The following SP7 variants were observed in gnomAD, a reference collection of about 807,000 sequenced individuals.
SP7 encodes Sp7 transcription factor.
A neutral mutation model predicts 27.9 loss-of-function variants in SP7; 13 were observed. The observed-to-expected ratio is 0.47, with a 90% CI of 0.30 to 0.74. The LOEUF is 0.74. Among genes scored for constraint, SP7 ranks in the 30% least tolerant of loss-of-function variants. SP7 has a pLI of 0.06. For synonymous variants in SP7, 219 were observed against 226.7 expected (o/e 0.97, Z 0.31); for missense variants, 525 against 558.0 (o/e 0.94, Z 0.60).
chr12:53,335,603 T>C (rs377070005), intron 2 of SP7, 23 bp downstream of exon 2: 200 of 1,283,124 alleles, frequency 1.6e-4, no homozygotes, highest in Non-Finnish European at 1.5e-4. Context: ...GCTGGTTTCC[T>C]GGGGGGAAGA....
At chr12:53,333,377 T>C (rs1490744809) in intron 2 of SP7, among the ~76,000 whole-genome samples, 1 of 152,058 alleles carries the variant, frequency 6.6e-6, no homozygotes, top group Admixed American at 6.5e-5. Flanking sequence ...ATTAAAGTAT[T>C]GAAGTGGGAG....
chr12:53,329,264 T>C lies in SP7; in HGVS notation c.178A>G (p.Met60Val), dbSNP rs1944674601. 6.2e-7 allele frequency: 1 copy of C among 1,613,836 alleles called. No individual in the cohort carries two copies. ...AAGGGGGCTGGATAAGCATCCCCCA[T>C]GGTTTTGGAGGCTGAAAGGTCACTG... ...VGSDLSASKT[M>V]GDAYPAPFTS... Residue 60 changes from methionine to valine, a missense_variant, in exon 3 of 3, where the codon ATG (methionine) becomes GTG (valine). Physicochemically the swap from Met to Val is conservative, Grantham distance 21. Transcript: ENST00000536324.
chr12:53,328,802 G>A lies in SP7; in HGVS notation c.640C>T (p.His214Tyr), dbSNP rs748366577. ...TGCTGGGGCCCTGGTTGCAAGAGGT[G>A]GGGAGCTGGGTAGGGGGCTGGATTA... ...PLNPAPYPAP[H>Y]LLQPGPQHVL... Residue 214 changes from histidine to tyrosine, a missense_variant, in exon 3 of 3, where the codon CAC (histidine) becomes TAC (tyrosine). His to Tyr is a moderately conservative substitution (Grantham distance 83). Coordinates refer to ENST00000536324, the MANE Select transcript of SP7 (RefSeq NM_001173467.3). This position sits in a 1 kb window ranked among gnomAD's most constrained non-coding sequence, Gnocchi z 5.1. 3.8e-6 allele frequency: 6 copies of A among 1,596,334 alleles called. No individual in the cohort carries two copies. Among genetic ancestry groups the A allele is most frequent in the South Asian group, 1.1e-5 (1 of 89,372 alleles).
chr12:53,336,765 T>C (rs1197542356), upstream of SP7, among the ~76,000 whole-genome samples: 2 of 151,822 alleles, frequency 1.3e-5, no homozygotes, highest in Non-Finnish European at 2.9e-5. Flanking sequence ...TGTGTGTGTG[T>C]GTATGTTGTG....
intron 2 of SP7, among the ~76,000 whole-genome samples, chr12:53,332,316 G>T (rs1342749696): frequency 6.6e-6 from 1 of 152,228 alleles, no homozygotes; most frequent in Non-Finnish European, 1.5e-5. Context: ...AGCAGAAATA[G>T]CTATAATTCC....
Position 53,328,514 on chromosome 12 carries a change from G to A in SP7, c.928C>T (p.His310Tyr). ...GCGKVYGKAS[H>Y]LKAHLRWHTG... Reference sequence around the variant, plus strand: ...TGCCAGCGCAAGTGGGCCTTCAGGTGCGAAGCCTTGCCATACACCTTGCCG... The same window carrying A: ...TGCCAGCGCAAGTGGGCCTTCAGGTACGAAGCCTTGCCATACACCTTGCCG... The change falls in exon 3 of 3, where the codon CAC becomes TAC. Residue 310 changes from histidine (H) to tyrosine (Y), a missense_variant. By Grantham distance (83) the His-to-Tyr change is moderately conservative. Coordinates refer to ENST00000536324, the MANE Select transcript of SP7 (RefSeq NM_001173467.3). The surrounding 1 kb of genome is among the most constrained non-coding windows in gnomAD (Gnocchi z 5.1). 2 of 1,613,938 alleles carry A rather than the reference G, an allele frequency of 1.2e-6. No homozygotes were observed. The highest frequency in any genetic ancestry group is 1.7e-6 in the Non-Finnish European group (2 of 1,179,892).
At chr12:53,339,084 G>A (rs1055493336), upstream of SP7, among the ~76,000 whole-genome samples, 15 of 152,146 alleles carry the variant, frequency 9.9e-5, no homozygotes, top group Non-Finnish European at 2.2e-4. Context: ...TGGCAGGGGC[G>A]GGTAGAGGCT....
chr12:53,334,373 C>CACACACACAT (rs1290039893), intron 2 of SP7, among the ~76,000 whole-genome samples: 238 of 151,340 alleles, frequency 1.6e-3, no homozygotes, highest in African/African-American at 5.3e-3. Context: ...CACACACACA[C>CACACACACAT]ACTCTCAGGG....
At chr12:53,330,260 T>A (rs1944689009) in intron 2 of SP7, among the ~76,000 whole-genome samples, 2 of 152,076 alleles carry the variant, frequency 1.3e-5, no homozygotes, top group African/African-American at 4.8e-5. Flanking sequence ...TTGGCCAGGC[T>A]GGTCTTGAAC....
At chr12:53,334,988 C>T (rs1357698374) in intron 2 of SP7, among the ~76,000 whole-genome samples, 3 of 152,178 alleles carry the variant, frequency 2.0e-5, no homozygotes, top group Non-Finnish European at 2.9e-5. Context: ...CCTCAGACCC[C>T]GTCCCTCCTC....
Position 53,328,950 on chromosome 12 carries a change from T to G in SP7, c.492A>C (p.Gly164=). 6.2e-7 allele frequency: 1 copy of G among 1,611,592 alleles called. No homozygotes were observed. The highest frequency in any genetic ancestry group is 8.5e-7 in the Non-Finnish European group (1 of 1,178,762). The change falls in exon 3 of 3, where the codon GGA becomes GGC. Residue 164 remains glycine, a synonymous_variant. Transcript: ENST00000536324. This position sits in a 1 kb window ranked among gnomAD's most constrained non-coding sequence, Gnocchi z 5.1. The part of the protein sequence containing the change: ...TPTPWWDMHP[G]GNWLGGGQGQ... ...CCTGCCCACCACCTAGCCAGTTGCC[T>G]CCAGGGTGCATATCCCACCATGGAG... is the stretch of plus-strand genomic sequence containing the variant.
chr12:53,330,623 A>G (rs1371183394), intron 2 of SP7, among the ~76,000 whole-genome samples: 4 of 152,224 alleles, frequency 2.6e-5, no homozygotes. Context: ...GATCGAGGCC[A>G]TGGGCAGGGC....
At chr12:53,336,027 C>T in intron 1 of SP7, 119 bp downstream of exon 1, 1 of 254,154 alleles carries the variant, frequency 3.9e-6, no homozygotes, top group Non-Finnish European at 7.6e-6. Context: ...GTCAGGGCTT[C>T]CTCGGGGGGC....
At chr12:53,333,875 C>T (rs970878217) in intron 2 of SP7, among the ~76,000 whole-genome samples, 1 of 151,052 alleles carries the variant, frequency 6.6e-6, no homozygotes, top group South Asian at 2.1e-4. Context: ...CAGGCATCTC[C>T]AGCTCACAGG....
intron 1 of SP7, among the ~76,000 whole-genome samples, chr12:53,343,052 T>G (rs1194154180): frequency 6.6e-6 from 1 of 151,218 alleles, no homozygotes; most frequent in Non-Finnish European, 1.5e-5. Context: ...TCCCAGCACT[T>G]TGGGAGGCTG....
Position 53,328,576 on chromosome 12 carries a change from C to T in SP7, c.866G>A (p.Arg289Gln), listed in dbSNP as rs745897669. 3.5e-5 allele frequency: 56 copies of T among 1,609,330 alleles called. No individual in the cohort carries two copies. The highest frequency in any genetic ancestry group is 2.2e-5 in the East Asian group (1 of 44,766). The change falls in exon 3 of 3, where the codon CGG becomes CAG. Residue 289 changes from arginine (R) to glutamine (Q), a missense_variant. Transcript: ENST00000536324. The surrounding 1 kb of genome is among the most constrained non-coding windows in gnomAD (Gnocchi z 5.1). ...ERLGAAAAGL[R>Q]KKPIHSCHIP... ...GTGGCAGCTGTGGATGGGCTTCTTC[C>T]GCAGCCCAGCCGCTGCTGCTCCCAG...
At chr12:53,336,560 C>T (rs79283354), upstream of SP7, among the ~76,000 whole-genome samples, 1,219 of 152,202 alleles carry the variant, frequency 8.0e-3, 12 homozygotes, top group African/African-American at 0.028. Context: ...CAGTACCACT[C>T]ACATGGGTAC....
intron 1 of SP7, among the ~76,000 whole-genome samples, chr12:53,342,065 AAAAC>A (rs1239867974): frequency 8.3e-5 from 12 of 143,792 alleles, no homozygotes; most frequent in Non-Finnish European, 1.5e-4. Context: ...CTCAAAAAAA[AAAAC>A]AAAAAACAAA....
In SP7 at chr12:53,328,129, G is replaced by A. The variant is rs1159198698; in HGVS notation, c.*17C>T. 2 of 1,592,322 alleles carry A rather than the reference G, an allele frequency of 1.3e-6. No individual in the cohort carries two copies. Among genetic ancestry groups the A allele is most frequent in the East Asian group, 4.5e-5 (2 of 44,362 alleles). On this transcript the variant is annotated 3_prime_UTR_variant, in exon 3 of 3. Coordinates refer to ENST00000536324, the MANE Select transcript of SP7 (RefSeq NM_001173467.3). The surrounding 1 kb of genome is among the most constrained non-coding windows in gnomAD (Gnocchi z 5.1). The stretch of plus-strand genomic sequence containing the variant: ...GACTGTCAGGGCAGCCCTGGGGTGG[G>A]AGACCTTCCACCCGGCTCAGATCTC...
Sources: allele counts gnomAD v4.1 joint callset (sites outside exome capture counted in the v4.1 genomes callset), GRCh38; gene constraint gnomAD v4.1.1; non-coding constraint Gnocchi (gnomAD v3.1); transcripts MANE v1.5; gene names NCBI Gene and HGNC (gene_info 2026-07-23, HGNC 2026-07-21).